Variants in LGSN observed in about 807,000 individuals in gnomAD.
LGSN encodes the protein lengsin, lens protein with glutamine synthetase domain, also known as lengsin.
LGSN carries 21 observed loss-of-function variants against 19.5 expected under a neutral mutation model. The observed-to-expected ratio is 1.07, with a 90% confidence interval of 0.76 to 1.55. The LOEUF is 1.55. Among genes scored for constraint, LGSN ranks in the 40% most tolerant of loss-of-function variants. The probability of loss-of-function intolerance (pLI) is 0.00; values close to 1 mark genes in which losing one functional copy is unlikely to be tolerated. For missense variants in LGSN, 673 were observed against 608.5 expected (o/e 1.11, Z -1.12); for synonymous variants, 257 against 215.6 (o/e 1.19, Z -1.68).
the LGSN span, among the ~76,000 whole-genome samples, chr6:63,432,188 GAAAAGAAAAGA>G: frequency 2.0e-3 from 65 of 31,928 alleles, 1 homozygote; most frequent in African/African-American, 5.1e-3. Flanking sequence ...AGAAAGAAAA[GAAAAGAAAAGA>G]AAAGAAAAGA....
At chr6:63,498,230 T>C in the LGSN span, among the ~76,000 whole-genome samples, 4 of 152,050 alleles carry the variant, frequency 2.6e-5, no homozygotes, top group Non-Finnish European at 5.9e-5. Context: ...GTCATGTTTC[T>C]TATTTGAAGA....
chr6:63,495,279 T>G, the LGSN span, among the ~76,000 whole-genome samples: 1 of 152,144 alleles, frequency 6.6e-6, no homozygotes, highest in Admixed American at 6.6e-5. Context: ...TATTATTTTT[T>G]CCTCATTTTC....
the LGSN span, among the ~76,000 whole-genome samples, chr6:63,345,127 C>G: frequency 6.6e-6 from 1 of 152,052 alleles, no homozygotes; most frequent in Non-Finnish European, 1.5e-5. Flanking sequence ...ATAAATATTC[C>G]TTTAAAAAAT....
the LGSN span, among the ~76,000 whole-genome samples, chr6:63,540,277 A>C: frequency 6.6e-6 from 1 of 152,190 alleles, no homozygotes; most frequent in South Asian, 2.1e-4. Context: ...AGAATCATAG[A>C]TAGATCTTAA....
rs770094043 is a variant in LGSN at position 63,280,472 on chromosome 6, G to A, written c.1079C>T (p.Ala360Val). The A allele has an allele frequency of 1.2e-5, 20 of 1,613,948 alleles. No homozygotes were observed. The highest frequency in any genetic ancestry group is 5.3e-5 in the African/African-American group (4 of 74,920). The part of the protein sequence containing the change: ...KHSAALSCLM[A>V]PSVSCRKRYS... ...ACGCTTTCGGCAGCTAACAGAAGGC[G>A]CCATCAGGCAGCTGAGCGCAGCAGA... Residue 360 changes from alanine to valine, a missense_variant, in exon 4 of 4, where the codon GCG (alanine) becomes GTG (valine). Physicochemically the swap from Ala to Val is moderately conservative, Grantham distance 64. Coordinates refer to ENST00000370657, the MANE Select transcript of LGSN (RefSeq NM_016571.3).
rs1767192375 is a variant in LGSN, at chr6:63,279,193, A to G, written c.*828T>C. On this transcript the variant is annotated 3_prime_UTR_variant, in exon 4 of 4. Coordinates refer to ENST00000370657, the MANE Select transcript of LGSN (RefSeq NM_016571.3). ...CACTCCACAGAGCACTAGAGGTTTC[A>G]GAGGAACATCTAGTTTCAAAGAATG... The G allele has an allele frequency of 1.3e-5, 2 of 152,240 alleles. No homozygotes were observed. The highest frequency in any genetic ancestry group is 2.9e-5 in the Non-Finnish European group (2 of 68,046). The allele number at this position is 152,240 out of a possible 1,614,324, so 9.4% of individuals were successfully genotyped here.
chr6:63,435,697 T>C, the LGSN span, among the ~76,000 whole-genome samples: 1 of 152,134 alleles, frequency 6.6e-6, no homozygotes, highest in Non-Finnish European at 1.5e-5. Context: ...CCATGAATCA[T>C]GGCTCATTTA....
the LGSN span, among the ~76,000 whole-genome samples, chr6:63,432,123 AAGAAAG>A: frequency 2.1e-4 from 26 of 122,752 alleles, 1 homozygote; most frequent in Non-Finnish European, 3.3e-4. Flanking sequence ...GAAAGAAAGA[AAGAAAG>A]AAAGAAAGAA....
chr6:63,541,698 C>CAAGT, the LGSN span, among the ~76,000 whole-genome samples: 429 of 152,242 alleles, frequency 2.8e-3, 2 homozygotes, highest in African/African-American at 0.01. Flanking sequence ...ATCAGAAGGG[C>CAAGT]AAGCCCCTAC....
chr6:63,473,457 G>C, the LGSN span, among the ~76,000 whole-genome samples: 10 of 111,430 alleles, frequency 9.0e-5, no homozygotes, highest in Admixed American at 5.2e-4. Context: ...CTGGGTAACA[G>C]AGCGACACTC....
the LGSN span, among the ~76,000 whole-genome samples, chr6:63,406,953 C>A: frequency 6.6e-6 from 1 of 152,036 alleles, no homozygotes; most frequent in African/African-American, 2.4e-5. Flanking sequence ...TTCCTCGACA[C>A]CTACACCCTC....
At chr6:63,482,217 G>A in the LGSN span, among the ~76,000 whole-genome samples, 67 of 151,938 alleles carry the variant, frequency 4.4e-4, no homozygotes, top group South Asian at 1.0e-2. Context: ...TTGGATGTAA[G>A]CTTCATGAGA....
At chr6:63,406,060 T>C in the LGSN span, among the ~76,000 whole-genome samples, 163 of 152,162 alleles carry the variant, frequency 1.1e-3, no homozygotes, top group African/African-American at 3.8e-3. Context: ...AGACTTAGAC[T>C]CCCACACAAT....
chr6:63,355,944 G>A, the LGSN span, among the ~76,000 whole-genome samples: 1 of 152,100 alleles, frequency 6.6e-6, no homozygotes, highest in East Asian at 1.9e-4. Context: ...CTTCCAATGT[G>A]CTGGTATTAC....
At chr6:63,515,282 C>A in the LGSN span, among the ~76,000 whole-genome samples, 5 of 152,024 alleles carry the variant, frequency 3.3e-5, no homozygotes, top group African/African-American at 1.2e-4. Context: ...CCCAGGCTAG[C>A]GTGCAATGGT....
At chr6:63,540,231 C>T in the LGSN span, among the ~76,000 whole-genome samples, 2 of 152,028 alleles carry the variant, frequency 1.3e-5, no homozygotes, top group East Asian at 1.9e-4. Flanking sequence ...AACCTACCAC[C>T]CAGCCACTAG....
chr6:63,419,603 T>C, the LGSN span, among the ~76,000 whole-genome samples: 1 of 151,982 alleles, frequency 6.6e-6, no homozygotes, highest in African/African-American at 2.4e-5. Flanking sequence ...CTTGATACTT[T>C]TTCGGCCTGG....
At position 63,282,961 on chromosome 6, in the gene LGSN, A is replaced by C. The variant is rs115811937; in HGVS notation, c.331-1741T>G. ...TCTTTACATATCTAAAATGAGAAAT[A>C]ATATATTTTATTCATGAGACTTCTA... is the stretch of plus-strand genomic sequence containing the variant. On this transcript the variant is annotated intron_variant, in intron 3 of 3. Transcript: ENST00000370657. Among the ~76,000 whole-genome samples, 937 of 152,290 alleles carry C rather than the reference A, an allele frequency of 6.2e-3. 14 individuals are homozygous for C. The highest frequency in any genetic ancestry group is 0.01 in the Middle Eastern group (3 of 294).
At chr6:63,506,409 G>A in the LGSN span, among the ~76,000 whole-genome samples, 3 of 151,980 alleles carry the variant, frequency 2.0e-5, no homozygotes, top group Non-Finnish European at 4.4e-5. Flanking sequence ...GATTACAGGT[G>A]CCCACCACCA....
Sources: allele counts gnomAD v4.1 joint callset (sites outside exome capture counted in the v4.1 genomes callset), GRCh38; gene constraint gnomAD v4.1.1; transcripts MANE v1.5; gene names NCBI Gene and HGNC (gene_info 2026-07-23, HGNC 2026-07-21).